The following COL6A5 variants were observed in gnomAD, a reference collection of about 807,000 sequenced individuals.
The protein encoded by COL6A5 is collagen type VI alpha 5 chain, also known as collagen alpha-5(VI) chain.
Under a neutral mutation model 65.6 loss-of-function variants are expected in COL6A5, and 48 were observed. The observed-to-expected ratio is 0.73, with a 90% CI of 0.58 to 0.93. COL6A5 has a LOEUF of 0.93. Among genes scored for constraint, COL6A5 ranks in the 40% least tolerant of loss-of-function variants. The pLI is 0.00. For missense variants in COL6A5, 914 were observed against 928.3 expected (o/e 0.98, Z 0.20); for synonymous variants, 291 against 322.8 (o/e 0.90, Z 1.05).
chr3:130,371,665 C>A (rs1935566144), intron 1 of COL6A5, among the ~76,000 whole-genome samples: 1 of 152,112 alleles, frequency 6.6e-6, no homozygotes, highest in South Asian at 2.1e-4. Flanking sequence ...TCACCCCATA[C>A]ACAAAACAAC....
intron 20 of COL6A5, among the ~76,000 whole-genome samples, chr3:130,412,430 C>T (rs1026512922): frequency 1.6e-4 from 25 of 152,178 alleles, no homozygotes; most frequent in African/African-American, 6.0e-4. Flanking sequence ...GGCAATTGCC[C>T]TGTGCCACAC....
chr3:130,408,270 G>T (rs34609051), intron 17 of COL6A5, among the ~76,000 whole-genome samples: 3 of 148,816 alleles, frequency 2.0e-5, no homozygotes, highest in African/African-American at 5.1e-5. Flanking sequence ...TTCCCGGTGT[G>T]GGGGTGGTGG....
chr3:130,351,234 A>T (rs532165354), intron 1 of COL6A5, among the ~76,000 whole-genome samples: 1 of 152,344 alleles, frequency 6.6e-6, no homozygotes, highest in African/African-American at 2.4e-5. Flanking sequence ...AGGCAATACC[A>T]TTCAGGACAT....
intron 5 of COL6A5, among the ~76,000 whole-genome samples, chr3:130,457,722 G>C (rs1709609525): frequency 6.6e-6 from 1 of 152,028 alleles, no homozygotes; most frequent in South Asian, 2.1e-4. Flanking sequence ...GTGTTTTCTA[G>C]GAACTTCGTG....
chr3:130,408,625 C>T (rs918735188), intron 17 of COL6A5, among the ~76,000 whole-genome samples: 1 of 152,080 alleles, frequency 6.6e-6, no homozygotes, highest in East Asian at 1.9e-4. Flanking sequence ...TATTCGTACA[C>T]CACTCCCCTT....
intron 29 of COL6A5, among the ~76,000 whole-genome samples, 180 bp from the exon 30 acceptor site, chr3:130,426,034 C>T (rs1937595314): frequency 6.6e-6 from 1 of 152,044 alleles, no homozygotes; most frequent in African/African-American, 2.4e-5. Flanking sequence ...AAATCTACAC[C>T]CTTGATGTGA....
chr3:130,387,264 G>T (rs2107648893), intron 5 of COL6A5, among the ~76,000 whole-genome samples: 1 of 152,156 alleles, frequency 6.6e-6, no homozygotes, highest in Non-Finnish European at 1.5e-5. Flanking sequence ...CTTCAAGGAA[G>T]GCTGGGAAAT....
chr3:130,379,577 T>C (rs1935916309), exon 4 of COL6A5: 1 of 1,551,346 alleles, frequency 6.4e-7, no homozygotes. Context: ...CGACTTGGAC[T>C]GATGAGTTAC....
At chr3:130,441,892 T>C (rs2107704262) in intron 3 of COL6A5, among the ~76,000 whole-genome samples, 1 of 152,330 alleles carries the variant, frequency 6.6e-6, no homozygotes, top group East Asian at 1.9e-4. Flanking sequence ...CTTTTCTTTC[T>C]GGAAATCTGA....
chr3:130,402,377 T>A (rs960570133), intron 12 of COL6A5, among the ~76,000 whole-genome samples: 4 of 152,120 alleles, frequency 2.6e-5, no homozygotes, highest in African/African-American at 4.8e-5. Context: ...AAACACAAAT[T>A]ATAAAATATT....
intron 4 of COL6A5, among the ~76,000 whole-genome samples, chr3:130,449,198 C>T (rs950446930): frequency 3.3e-5 from 5 of 152,086 alleles, no homozygotes; most frequent in African/African-American, 4.8e-5. Context: ...GGATAGGATT[C>T]GGAGGCGTGG....
exon 1 of COL6A5, chr3:130,431,518 G>T: frequency 5.2e-6 from 8 of 1,551,424 alleles, no homozygotes; most frequent in Non-Finnish European, 7.0e-6. Context: ...CAATTCCTAC[G>T]ATGTCACAGA....
At chr3:130,409,551 A>T (rs776775450) in intron 18 of COL6A5, among the ~76,000 whole-genome samples, 163 bp downstream of exon 18, 36 of 152,188 alleles carry the variant, frequency 2.4e-4, no homozygotes, top group Non-Finnish European at 2.1e-4. Context: ...TTTGTGTCTT[A>T]TCTGGGTTAG....
chr3:130,350,308 A>C (rs1016977964), intron 1 of COL6A5, among the ~76,000 whole-genome samples: 1 of 152,200 alleles, frequency 6.6e-6, no homozygotes, highest in African/African-American at 2.4e-5. Flanking sequence ...AGTTCTAGCC[A>C]GGGCAATCAG....
intron 7 of COL6A5, among the ~76,000 whole-genome samples, chr3:130,474,882 A>G (rs2107620645): frequency 6.6e-6 from 1 of 151,798 alleles, no homozygotes; most frequent in African/African-American, 2.4e-5. Flanking sequence ...ATTCACTTGT[A>G]CATAGTCCCA....
At position 130,471,573 on chromosome 3, in the gene COL6A5, A is replaced by T. The variant is rs1002583943; in HGVS notation, c.2328+606A>T. The stretch of plus-strand genomic sequence containing the variant: ...TCATGGACTGAACTTGGACTATTCC[A>T]ATCACATACATAAAATGGATTCCTC... On this transcript the variant is annotated intron_variant, in intron 7 of 7. Coordinates refer to ENST00000512836, the Ensembl canonical transcript of COL6A5. 1.7e-5 allele frequency: 17 copies of T among 1,026,420 alleles called. No individual in the cohort carries two copies. In the Admixed American group the frequency reaches 4.4e-4, roughly 26 times the overall value. 63.6% of individuals were successfully genotyped at this position (1,026,420 alleles called of 1,614,324 possible). A position where few individuals can be genotyped will look rare whatever the true frequency, so the allele number is the denominator to read the frequency against.
At chr3:130,350,417 T>C (rs1934658559) in intron 1 of COL6A5, among the ~76,000 whole-genome samples, 1 of 152,218 alleles carries the variant, frequency 6.6e-6, no homozygotes, top group Non-Finnish European at 1.5e-5. Context: ...AACCCCATTG[T>C]CTCAGCCCAA....
At chr3:130,469,328 G>A (rs775610679) in exon 6 of COL6A5, 7 of 1,612,902 alleles carry the variant, frequency 4.3e-6, no homozygotes, top group South Asian at 3.3e-5. Context: ...CTCCATATTT[G>A]TGTTTTCCTT....
chr3:130,461,588 T>C (rs1709701608), intron 5 of COL6A5, among the ~76,000 whole-genome samples: 3 of 152,004 alleles, frequency 2.0e-5, no homozygotes, highest in African/African-American at 4.8e-5. Context: ...ACATGGACTT[T>C]TAACAATGTA....
Sources: allele counts gnomAD v4.1 joint callset (sites outside exome capture counted in the v4.1 genomes callset), GRCh38; gene constraint gnomAD v4.1.1; transcripts MANE v1.5; gene names NCBI Gene and HGNC (gene_info 2026-07-23, HGNC 2026-07-21).